The following ACAT2 variants were observed in gnomAD, a reference collection of about 807,000 sequenced individuals.
ACAT2 encodes the protein acetyl-CoA acetyltransferase, cytosolic.
ACAT2 carries 26 observed loss-of-function variants against 37.1 expected under a neutral mutation model. The observed-to-expected ratio is 0.70, with a 90% CI of 0.51 to 0.97. ACAT2 has a LOEUF of 0.97. ACAT2 is among the 50% of genes least tolerant of loss of function. The probability of loss-of-function intolerance (pLI) is 0.00; values close to 1 mark genes in which losing one functional copy is unlikely to be tolerated. For missense variants in ACAT2, 468 were observed against 489.0 expected (o/e 0.96, Z 0.40); for synonymous variants, 156 against 163.6 (o/e 0.95, Z 0.35).
chr6:159,778,446 A>T, intron 8 of ACAT2, 166 bp downstream of exon 8: 3 of 679,616 alleles, frequency 4.4e-6, no homozygotes, highest in Non-Finnish European at 6.9e-6. Context: ...AAAAAAAAAA[A>T]AAAGACATTG....
chr6:159,778,309 T>G (rs767945668), intron 8 of ACAT2, 29 bp downstream of exon 8: 1 of 1,473,410 alleles, frequency 6.8e-7, no homozygotes, highest in Non-Finnish European at 9.3e-7. Context: ...CCCTGAGAGC[T>G]TACCAGTGAA....
intron 4 of ACAT2, among the ~76,000 whole-genome samples, chr6:159,773,383 C>G (rs556034383): frequency 1.3e-5 from 2 of 152,272 alleles, no homozygotes; most frequent in South Asian, 2.1e-4. Context: ...CCCAGATCTT[C>G]TAAATACATT....
intron 2 of ACAT2, 104 bp downstream of exon 2, chr6:159,763,157 C>G (rs1780185347): frequency 1.4e-6 from 2 of 1,456,470 alleles, no homozygotes; most frequent in African/African-American, 2.8e-5. Flanking sequence ...CTCACTCACT[C>G]AAGTTCTTGC....
At chr6:159,772,404 G>T (rs1476783252) in intron 4 of ACAT2, among the ~76,000 whole-genome samples, 1 of 152,150 alleles carries the variant, frequency 6.6e-6, no homozygotes, top group African/African-American at 2.4e-5. Context: ...AAAGAGAACA[G>T]AGTTCAGAAA....
intron 2 of ACAT2, among the ~76,000 whole-genome samples, chr6:159,764,346 C>T (rs1780219703): frequency 6.6e-6 from 1 of 152,110 alleles, no homozygotes; most frequent in Non-Finnish European, 1.5e-5. Flanking sequence ...GCAAATGGGG[C>T]ATATCACTCC....
At position 159,762,156 on chromosome 6, in the gene ACAT2, G is replaced by A. The variant is rs752670907; in HGVS notation, c.55+14G>A. 5 of 1,608,394 alleles carry A rather than the reference G, an allele frequency of 3.1e-6. No individual in the cohort carries two copies. The highest frequency in any genetic ancestry group is 4.2e-6 in the Non-Finnish European group (5 of 1,177,300). ...GGACCATCATAGGTGAGTGGCCGGC[G>A]GGAGCCGCGCAGAGTCCGAGGCGCC... On this transcript the variant is annotated intron_variant, in intron 1 of 8. Coordinates refer to ENST00000367048, the MANE Select transcript of ACAT2 (RefSeq NM_005891.3).
intron 3 of ACAT2, 41 bp downstream of exon 3, chr6:159,767,227 C>G: frequency 6.3e-7 from 1 of 1,598,580 alleles, no homozygotes; most frequent in South Asian, 1.1e-5. Context: ...TGACCTCACA[C>G]TGAGAAACTC....
At chr6:159,776,496 A>G (rs893230917) in intron 6 of ACAT2, among the ~76,000 whole-genome samples, 3 of 152,234 alleles carry the variant, frequency 2.0e-5, no homozygotes, top group African/African-American at 7.2e-5. Context: ...CTGGGGGACT[A>G]CAGGCATGAG....
intron 2 of ACAT2, among the ~76,000 whole-genome samples, chr6:159,763,711 C>T (rs1195139004): frequency 7.8e-6 from 1 of 127,912 alleles, no homozygotes; most frequent in Non-Finnish European, 1.6e-5. Context: ...GTGATCTCGG[C>T]TCACTGCAAG....
At position 159,767,111 on chromosome 6, in the gene ACAT2, G is replaced by A; in HGVS notation, c.297G>A (p.Val99=). The A allele has an allele frequency of 6.2e-7, 1 of 1,614,202 alleles. No homozygotes were observed. The highest frequency in any genetic ancestry group is 1.3e-5 in the African/African-American group (1 of 75,038). Residue 99 remains valine, a synonymous_variant, in exon 3 of 9, where the codon GTG becomes GTA. Transcript: ENST00000367048. The stretch of plus-strand genomic sequence containing the variant: ...TCTGTGGGTCAGGCCTAAAAGCTGT[G>A]TGCCTTGCAGTCCAGTCAATAGGGA... ...QMICGSGLKA[V]CLAVQSIGIG...
chr6:159,767,901 G>A (rs943276997), intron 3 of ACAT2, among the ~76,000 whole-genome samples: 1 of 152,206 alleles, frequency 6.6e-6, no homozygotes, highest in Non-Finnish European at 1.5e-5. Context: ...TTTTGTACAT[G>A]TGTTCACAAC....
At chr6:159,763,105 A>AACACAC in intron 2 of ACAT2, 52 bp downstream of exon 2, 3 of 1,522,964 alleles carry the variant, frequency 2.0e-6, no homozygotes, top group African/African-American at 1.4e-5. Flanking sequence ...ACAGCCCATA[A>AACACAC]ACACACACAC....
intron 4 of ACAT2, among the ~76,000 whole-genome samples, chr6:159,771,028 G>A (rs1780327863): frequency 6.6e-6 from 1 of 151,784 alleles, no homozygotes; most frequent in Non-Finnish European, 1.5e-5. Flanking sequence ...TCACACCATT[G>A]CGCTCCAGCC....
intron 8 of ACAT2, 143 bp from the exon 9 acceptor site, chr6:159,778,516 T>C: frequency 1.0e-6 from 1 of 952,676 alleles, no homozygotes. Flanking sequence ...CACAAAGGTG[T>C]AAATTTATTC....
At position 159,778,165 on chromosome 6, in the gene ACAT2, T is replaced by C. The variant is rs1161077275; in HGVS notation, c.913-5T>C. The stretch of plus-strand genomic sequence containing the variant: ...AGACCTCTTTTCTATGAATCTTTCC[T>C]CTAGGTTACAAAAGCAGGTTGGTCA... On this transcript the variant is annotated splice_region_variant and splice_polypyrimidine_tract_variant and intron_variant, in intron 7 of 8. Transcript: ENST00000367048. 2 of 1,600,610 alleles carry C rather than the reference T, an allele frequency of 1.2e-6. No homozygotes were observed. The highest frequency in any genetic ancestry group is 1.3e-5 in the African/African-American group (1 of 74,578).
At position 159,762,047 on chromosome 6, in the gene ACAT2, C is replaced by G; in HGVS notation, c.-41C>G. 1 of 1,608,688 alleles carries G rather than the reference C, an allele frequency of 6.2e-7. No individual in the cohort carries two copies. The highest frequency in any genetic ancestry group is 8.5e-7 in the Non-Finnish European group (1 of 1,177,168). On this transcript the variant is annotated 5_prime_UTR_variant, in exon 1 of 9. Coordinates refer to ENST00000367048, the MANE Select transcript of ACAT2 (RefSeq NM_005891.3). ...GGCTGCGAGGAGGAGCTTTGCCTAG[C>G]TTGCAGGCAGCGCAGGGCAGACGGC...
chr6:159,774,848 T>C (rs1393651768), intron 4 of ACAT2, among the ~76,000 whole-genome samples: 1 of 152,220 alleles, frequency 6.6e-6, no homozygotes, highest in Non-Finnish European at 1.5e-5. Context: ...TATCTCCAAC[T>C]TTCTCTCAGA....
intron 6 of ACAT2, 91 bp downstream of exon 6, chr6:159,776,363 C>T: frequency 1.4e-6 from 2 of 1,443,310 alleles, no homozygotes; most frequent in Admixed American, 2.6e-5. Flanking sequence ...TACAAAAGTA[C>T]TATTTTTTGG....
rs1409519876 is a variant in ACAT2, at chr6:159,776,111, T to G, written c.635-39T>G. 2.5e-6 allele frequency: 4 copies of G among 1,606,738 alleles called. No individual in the cohort carries two copies. In the South Asian group the frequency reaches 4.5e-5, roughly 18 times the overall value. Reference sequence around the variant, plus strand: ...CATTCCCAGCACACTTACTTCTGTCTCTGGACTAATCTTGAGTAATTGGTT... The same window carrying G: ...CATTCCCAGCACACTTACTTCTGTCGCTGGACTAATCTTGAGTAATTGGTT... On this transcript the variant is annotated intron_variant, in intron 5 of 8. Transcript: ENST00000367048.
Sources: allele counts gnomAD v4.1 joint callset (sites outside exome capture counted in the v4.1 genomes callset), GRCh38; gene constraint gnomAD v4.1.1; transcripts MANE v1.5; gene names NCBI Gene and HGNC (gene_info 2026-07-23, HGNC 2026-07-21).